Variants in SI observed in about 807,000 individuals in gnomAD.
SI encodes sucrase-isomaltase, intestinal.
In SI, 235 loss-of-function variants were observed where a neutral mutation model predicts 253.3. That is an observed-to-expected ratio of 0.93 (90% CI 0.83 to 1.03). SI has a LOEUF of 1.03. Ranked by LOEUF, SI falls within the 50% of genes least tolerant of loss-of-function variation. SI has a pLI of 0.00. For missense variants in SI, 2,442 were observed against 2,211.1 expected (o/e 1.10, Z -2.09); for synonymous variants, 819 against 712.0 (o/e 1.15, Z -2.39).
rs1036821027 is a variant in SI at position 165,009,336 on chromosome 3, C to T, written c.4122G>A (p.Trp1374Ter). ...TGTAAAAGTCCACAATTTCTCTGGC[C>T]CACCACTCTGCTGTGGAAGTCCTGA... ...DFFRTSTAEW[W>*]AREIVDFYNE... Residue 1374 changes from tryptophan to a stop codon, truncating the protein, a stop_gained, in exon 35 of 48, where the codon TGG (tryptophan) becomes TGA (stop). Coordinates refer to ENST00000264382, the MANE Select transcript of SI (RefSeq NM_001041.4). LOFTEE classifies it high-confidence loss of function. The T allele has an allele frequency of 6.2e-7, 1 of 1,613,590 alleles. No individual in the cohort carries two copies. Among genetic ancestry groups the T allele is most frequent in the Non-Finnish European group, 8.5e-7 (1 of 1,179,700 alleles).
At chr3:165,028,844 T>C (rs1712067870) in intron 25 of SI, among the ~76,000 whole-genome samples, 2 of 149,994 alleles carry the variant, frequency 1.3e-5, no homozygotes. Flanking sequence ...TTCTAGAAGA[T>C]AGCATTCTAG....
chr3:165,061,460 T>C (rs924382982), intron 9 of SI, among the ~76,000 whole-genome samples: 1 of 151,994 alleles, frequency 6.6e-6, no homozygotes, highest in African/African-American at 2.4e-5. Context: ...TGGGAATGAT[T>C]AGACATTGTA....
chr3:165,089,818 G>T, the SI span, among the ~76,000 whole-genome samples: 237 of 151,838 alleles, frequency 1.6e-3, 1 homozygote, highest in African/African-American at 5.6e-3. Context: ...CACTCTCTCC[G>T]TTCTCCGGCA....
At chr3:165,017,920 T>C (rs771068734) in intron 29 of SI, 47 bp from the exon 30 acceptor site, 12 of 1,578,240 alleles carry the variant, frequency 7.6e-6, no homozygotes, top group Middle Eastern at 3.3e-4. Context: ...TATACTAGTT[T>C]ATGAAAAAGT....
At chr3:165,076,426 T>C (rs1714977504) in intron 1 of SI, among the ~76,000 whole-genome samples, 1 of 151,790 alleles carries the variant, frequency 6.6e-6, no homozygotes. Context: ...AAGGAAATAG[T>C]TATTCACATT....
Position 165,069,079 on chromosome 3 carries a change from A to G in SI, c.372T>C (p.Ile124=). ...TCATTATAACAGAGGACTTCTTACC[A>G]ATACTTGTTGTTGTCATGTCTTGAA... ...YNVQDMTTTS[I]GVEAKLNRIP... Residue 124 remains isoleucine (I), a splice_region_variant and synonymous_variant, in exon 4 of 48, where the codon ATT becomes ATC. Coordinates refer to ENST00000264382, the MANE Select transcript of SI (RefSeq NM_001041.4). 1 of 1,591,406 alleles carries G rather than the reference A, an allele frequency of 6.3e-7. No homozygotes were observed. Among genetic ancestry groups the G allele is most frequent in the Non-Finnish European group, 8.6e-7 (1 of 1,159,410 alleles).
intron 3 of SI, 170 bp downstream of exon 3, chr3:165,074,361 C>G (rs1714802012): frequency 2.7e-6 from 1 of 369,892 alleles, no homozygotes; most frequent in African/African-American, 2.1e-5. Flanking sequence ...AAAGCAAGGT[C>G]AGTAACTTCT....
chr3:165,086,426 A>G, the SI span, among the ~76,000 whole-genome samples: 1 of 152,202 alleles, frequency 6.6e-6, no homozygotes, highest in African/African-American at 2.4e-5. Flanking sequence ...CCACATCAAG[A>G]CATGCTTTAA....
At chr3:164,985,712 A>C (rs759753345) in intron 45 of SI, among the ~76,000 whole-genome samples, 2 of 152,148 alleles carry the variant, frequency 1.3e-5, no homozygotes, top group African/African-American at 2.4e-5. Context: ...TGTGTCAACA[A>C]AATGTTCAGA....
At chr3:164,996,163 A>G (rs543636982) in intron 40 of SI, among the ~76,000 whole-genome samples, 1 of 151,902 alleles carries the variant, frequency 6.6e-6, no homozygotes, top group African/African-American at 2.4e-5. Flanking sequence ...TGTAGATTTC[A>G]CAGCACATCA....
intron 6 of SI, among the ~76,000 whole-genome samples, chr3:165,065,668 T>A (rs1313820990): frequency 6.6e-6 from 1 of 151,088 alleles, no homozygotes; most frequent in African/African-American, 2.4e-5. Context: ...TTTCTTTACT[T>A]TTCATCACAA....
At chr3:165,011,999 G>T (rs984994795) in intron 34 of SI, among the ~76,000 whole-genome samples, 13 of 152,012 alleles carry the variant, frequency 8.6e-5, no homozygotes, top group Middle Eastern at 3.4e-3. Flanking sequence ...GACAGTGATT[G>T]TCTTAAAATG....
chr3:164,998,251 T>C (rs1268967252), intron 38 of SI, among the ~76,000 whole-genome samples: 1 of 151,814 alleles, frequency 6.6e-6, no homozygotes, highest in Non-Finnish European at 1.5e-5. Flanking sequence ...TTCTCTCTAT[T>C]AGCTCTAGAC....
rs971273566 is a variant in SI, at chr3:164,979,318, T to A, written c.*44A>T. ...AATTGTAAGTGCTGTGAAACTTAAA[T>A]CCTGGTGTTTTTTCCCATTGACAAC... On this transcript the variant is annotated 3_prime_UTR_variant, in exon 48 of 48. Transcript: ENST00000264382. The A allele has an allele frequency of 1.8e-6, 2 of 1,121,620 alleles. No individual in the cohort carries two copies. Among genetic ancestry groups the A allele is most frequent in the Non-Finnish European group, 1.4e-6 (1 of 734,716 alleles). The allele number at this position is 1,121,620 out of a possible 1,614,324, so 69.5% of individuals were successfully genotyped here. A position where few individuals can be genotyped will look rare whatever the true frequency, so the allele number is the denominator to read the frequency against.
chr3:165,079,989 A>G (rs1168095810), upstream of SI, among the ~76,000 whole-genome samples: 1 of 151,964 alleles, frequency 6.6e-6, no homozygotes, highest in Admixed American at 6.6e-5. Context: ...AACTCCATGA[A>G]GTAAATATAG....
intron 22 of SI, 96 bp from the exon 23 acceptor site, chr3:165,033,540 T>A (rs2108207235): frequency 8.7e-7 from 1 of 1,154,976 alleles, no homozygotes; most frequent in African/African-American, 1.6e-5. Flanking sequence ...TTGAACAAAC[T>A]AGATGCTGTT....
intron 34 of SI, 141 bp from the exon 35 acceptor site, chr3:165,009,536 T>G (rs1320351090): frequency 1.5e-6 from 1 of 648,652 alleles, no homozygotes; most frequent in Non-Finnish European, 2.8e-6. Flanking sequence ...ATTACATAAA[T>G]GTGTGTGGTT....
At chr3:165,052,006 G>T (rs1713457859) in intron 13 of SI, among the ~76,000 whole-genome samples, 1 of 151,790 alleles carries the variant, frequency 6.6e-6, no homozygotes. Context: ...ACCTACTGAG[G>T]CAAAATTTTT....
intron 38 of SI, 80 bp downstream of exon 38, chr3:164,998,460 A>C (rs1345186681): frequency 2.1e-6 from 3 of 1,442,522 alleles, no homozygotes; most frequent in Non-Finnish European, 2.9e-6. Flanking sequence ...GGACTTATAA[A>C]TGTTATGACC....
Sources: allele counts gnomAD v4.1 joint callset (sites outside exome capture counted in the v4.1 genomes callset), GRCh38; gene constraint gnomAD v4.1.1; transcripts MANE v1.5; gene names NCBI Gene and HGNC (gene_info 2026-07-23, HGNC 2026-07-21).